ETV6: variants seen among roughly 807,000 people sequenced by gnomAD.
ETV6 encodes the protein ETS variant transcription factor 6.
Under a neutral mutation model 51.1 loss-of-function variants are expected in ETV6, and 16 were observed. The observed-to-expected ratio is 0.31, with a 90% confidence interval of 0.21 to 0.48. The LOEUF (loss-of-function observed/expected upper bound fraction) is 0.48, where lower values mean the gene tolerates loss of function less well. ETV6 is among the 20% of genes least tolerant of loss of function. The pLI, the probability that ETV6 is intolerant of heterozygous loss-of-function variation, is 0.99. For synonymous variants in ETV6, 240 were observed against 224.1 expected (o/e 1.07, Z -0.64); for missense variants, 458 against 594.8 (o/e 0.77, Z 2.39).
intron 5 of ETV6, among the ~76,000 whole-genome samples, chr12:11,883,381 C>A (rs1044755186): frequency 3.4e-5 from 5 of 146,536 alleles, no homozygotes; most frequent in African/African-American, 1.3e-4. Flanking sequence ...GCAACTTCCA[C>A]CTCCTGGGTT....
chr12:11,654,929 C>T (rs543680785), intron 1 of ETV6, among the ~76,000 whole-genome samples: 1 of 152,078 alleles, frequency 6.6e-6, no homozygotes, highest in East Asian at 1.9e-4. Context: ...GGCAGCTGGC[C>T]CTAGAGAAGT....
chr12:11,889,297 T>C (rs1947252405), intron 7 of ETV6, among the ~76,000 whole-genome samples: 1 of 152,178 alleles, frequency 6.6e-6, no homozygotes, highest in Non-Finnish European at 1.5e-5. Context: ...AGCCAGAAGA[T>C]TGATAGGCTT....
At chr12:11,831,253 TCTCA>T (rs1203023902) in intron 2 of ETV6, among the ~76,000 whole-genome samples, 4 of 152,170 alleles carry the variant, frequency 2.6e-5, no homozygotes, top group Admixed American at 6.5e-5. Flanking sequence ...TGAAATAGAG[TCTCA>T]CTCTGTTGCC....
chr12:11,752,130 G>A (rs567323436), intron 1 of ETV6, among the ~76,000 whole-genome samples: 2 of 152,240 alleles, frequency 1.3e-5, no homozygotes, highest in East Asian at 1.9e-4. Context: ...AGCCATTCTC[G>A]CGGACGTATT....
intron 2 of ETV6, among the ~76,000 whole-genome samples, chr12:11,822,598 T>C (rs2710287): frequency 0.74 from 111,976 of 152,180 alleles, 42,382 homozygotes; most frequent in African/African-American, 0.92. Flanking sequence ...CCGGGTCTGT[T>C]AAAATGATCA....
chr12:11,796,988 T>G (rs1945688314), intron 2 of ETV6, among the ~76,000 whole-genome samples: 1 of 152,186 alleles, frequency 6.6e-6, no homozygotes, highest in Non-Finnish European at 1.5e-5. Context: ...GGTCTCACTA[T>G]GAGCTACCAT....
At chr12:11,719,167 C>A (rs777013754) in intron 1 of ETV6, among the ~76,000 whole-genome samples, 1 of 152,308 alleles carries the variant, frequency 6.6e-6, no homozygotes, top group South Asian at 2.1e-4. Context: ...GAAGCCTGCA[C>A]CACGGGGAGC....
chr12:11,820,747 A>G (rs1946066843), intron 2 of ETV6, among the ~76,000 whole-genome samples: 1 of 152,194 alleles, frequency 6.6e-6, no homozygotes, highest in African/African-American at 2.4e-5. Flanking sequence ...CCAGAAGATC[A>G]TTGTAAAGAC....
chr12:11,780,857 G>A (rs1408248676), intron 2 of ETV6, among the ~76,000 whole-genome samples: 2 of 152,230 alleles, frequency 1.3e-5, no homozygotes, highest in Admixed American at 6.5e-5. Context: ...CTGTATAGCA[G>A]TGTGTTTCAT....
At chr12:11,656,953 A>G (rs4503633) in intron 1 of ETV6, among the ~76,000 whole-genome samples, 3,275 of 151,132 alleles carry the variant, frequency 0.022, 154 homozygotes, top group East Asian at 0.21. Flanking sequence ...ATATTCCCTC[A>G]TTTTCCCCTA....
chr12:11,893,886 AC>A lies in ETV6; in HGVS notation c.*2841del, dbSNP rs1264280656. 9.0e-5 allele frequency: 17 copies of A among 189,402 alleles called. No homozygotes were observed. Among genetic ancestry groups the A allele is most frequent in the African/African-American group, 4.1e-4 (17 of 41,732 alleles). The allele number at this position is 189,402 out of a possible 1,614,324, so 11.7% of individuals were successfully genotyped here. ...CAAATATTCCAGGATACAAAAAAAA[AC>A]ATTTAAAAATCCGAGACCCAGAACA... On this transcript the variant is annotated 3_prime_UTR_variant, in exon 8 of 8. Coordinates refer to ENST00000396373, the MANE Select transcript of ETV6 (RefSeq NM_001987.5).
intron 3 of ETV6, among the ~76,000 whole-genome samples, chr12:11,850,881 C>T (rs551624892): frequency 2.0e-5 from 3 of 152,352 alleles, no homozygotes; most frequent in South Asian, 2.1e-4. Context: ...GCCACCCCAC[C>T]GGGGGCTTCT....
intron 3 of ETV6, among the ~76,000 whole-genome samples, chr12:11,845,254 A>T (rs985986707): frequency 1.3e-5 from 2 of 152,252 alleles, no homozygotes; most frequent in Non-Finnish European, 2.9e-5. Flanking sequence ...AACTTACTAA[A>T]CTTAAGAAGT....
intron 2 of ETV6, among the ~76,000 whole-genome samples, chr12:11,829,082 G>A (rs904384412): frequency 6.6e-6 from 1 of 152,084 alleles, no homozygotes; most frequent in Non-Finnish European, 1.5e-5. Context: ...CCTGCAAGAT[G>A]ACAATTCAGT....
At chr12:11,726,675 T>TG (rs199943507) in intron 1 of ETV6, among the ~76,000 whole-genome samples, 3,992 of 151,932 alleles carry the variant, frequency 0.026, 166 homozygotes, top group African/African-American at 0.091. Flanking sequence ...GAGGCTGAGG[T>TG]GGGAGGATTG....
rs1947307939 is a variant in ETV6, at chr12:11,892,344, C to G, written c.*1298C>G. 4.3e-6 allele frequency: 1 copy of G among 231,666 alleles called. No individual in the cohort carries two copies. 14.4% of individuals were successfully genotyped at this position (231,666 alleles called of 1,614,324 possible). Reference sequence around the variant, plus strand: ...GCAATCAGTGTGTGCCCAGCCTGGGCAGACAGGAAATTCCTCGGATACATT... The same window carrying G: ...GCAATCAGTGTGTGCCCAGCCTGGGGAGACAGGAAATTCCTCGGATACATT... On this transcript the variant is annotated 3_prime_UTR_variant, in exon 8 of 8. Coordinates refer to ENST00000396373, the MANE Select transcript of ETV6 (RefSeq NM_001987.5).
chr12:11,666,521 G>C lies in ETV6; in HGVS notation c.33+16361G>C, dbSNP rs553903833. Among the ~76,000 whole-genome samples the C allele has an allele frequency of 2.0e-5, 3 of 152,344 alleles. No homozygotes were observed. In the South Asian group the frequency reaches 6.2e-4, roughly 32 times the overall value. ...TTAAAGAGGGCAGTCTTAAGAGAGT[G>C]TGTTAGGGTTATGAATCTGATTAAG... On this transcript the variant is annotated intron_variant, in intron 1 of 7. Coordinates refer to ENST00000396373, the MANE Select transcript of ETV6 (RefSeq NM_001987.5).
intron 2 of ETV6, among the ~76,000 whole-genome samples, chr12:11,808,587 G>A (rs1376624927): frequency 6.6e-6 from 1 of 152,130 alleles, no homozygotes; most frequent in Non-Finnish European, 1.5e-5. Flanking sequence ...ATGCACATAG[G>A]TTATATGCAA....
intron 1 of ETV6, among the ~76,000 whole-genome samples, chr12:11,703,104 C>T (rs574564177): frequency 2.6e-5 from 4 of 152,140 alleles, no homozygotes; most frequent in Non-Finnish European, 5.9e-5. Context: ...GAGACCTCCT[C>T]TGGAAGAAAA....
Sources: allele counts gnomAD v4.1 joint callset (sites outside exome capture counted in the v4.1 genomes callset), GRCh38; gene constraint gnomAD v4.1.1; transcripts MANE v1.5; gene names NCBI Gene and HGNC (gene_info 2026-07-23, HGNC 2026-07-21).